Variants in IRAG1 observed in about 807,000 individuals in gnomAD.
The protein encoded by IRAG1 is inositol 1,4,5-triphosphate receptor associated 1.
Under a neutral mutation model 106.2 loss-of-function variants are expected in IRAG1, and 62 were observed. That is an observed-to-expected ratio of 0.58 (90% CI 0.48 to 0.72). The LOEUF (loss-of-function observed/expected upper bound fraction) is 0.72, where lower values mean the gene tolerates loss of function less well. Among genes scored for constraint, IRAG1 ranks in the 30% least tolerant of loss-of-function variants. The probability of loss-of-function intolerance (pLI) is 0.00; values close to 1 mark genes in which losing one functional copy is unlikely to be tolerated. For missense variants in IRAG1, 1,064 were observed against 1,140.7 expected (o/e 0.93, Z 0.97); for synonymous variants, 462 against 443.9 (o/e 1.04, Z -0.51).
At chr11:10,642,604 G>GCATTC (rs1208042187) in intron 2 of IRAG1, among the ~76,000 whole-genome samples, 2 of 152,202 alleles carry the variant, frequency 1.3e-5, no homozygotes, top group Non-Finnish European at 2.9e-5. Flanking sequence ...TCCCACCTGG[G>GCATTC]TGACCTTGGG....
chr11:10,635,436 C>T (rs1324844314), intron 2 of IRAG1, among the ~76,000 whole-genome samples: 1 of 152,218 alleles, frequency 6.6e-6, no homozygotes. Context: ...CCCACTGTCT[C>T]TATTGCCACT....
At chr11:10,668,954 C>A (rs1279736626) in intron 1 of IRAG1, among the ~76,000 whole-genome samples, 1 of 152,200 alleles carries the variant, frequency 6.6e-6, no homozygotes, top group African/African-American at 2.4e-5. Flanking sequence ...CTGCCTCCCA[C>A]CACCCAAAAC....
chr11:10,623,503 G>T (rs1179662324), intron 10 of IRAG1, among the ~76,000 whole-genome samples: 1 of 152,208 alleles, frequency 6.6e-6, no homozygotes, highest in East Asian at 1.9e-4. Context: ...ACGAGGAAAA[G>T]GAAGTGTCAA....
intron 2 of IRAG1, among the ~76,000 whole-genome samples, chr11:10,638,113 C>A (rs1199651262): frequency 6.6e-6 from 1 of 152,194 alleles, no homozygotes; most frequent in Non-Finnish European, 1.5e-5. Flanking sequence ...AATCAGCATC[C>A]TCTGATGCAT....
Position 10,631,983 on chromosome 11 carries a change from G to T in IRAG1, c.400+8C>A, listed in dbSNP as rs778518552. On this transcript the variant is annotated splice_region_variant and intron_variant, in intron 4 of 20. Transcript: ENST00000423302. ...ACTCAACATGCCTTAGATTGCCCTG[G>T]TCCTTACCCACAGATGTCAGGGAGG... The T allele has an allele frequency of 3.1e-6, 5 of 1,612,832 alleles. No individual in the cohort carries two copies. The highest frequency in any genetic ancestry group is 3.4e-6 in the Non-Finnish European group (4 of 1,179,310).
chr11:10,676,287 T>C (rs1273122475), intron 1 of IRAG1, among the ~76,000 whole-genome samples: 1 of 152,228 alleles, frequency 6.6e-6, no homozygotes, highest in Non-Finnish European at 1.5e-5. Context: ...GTCAGAATGG[T>C]TGAGAGGATG....
chr11:10,627,042 G>A (rs1564915315), intron 8 of IRAG1, among the ~76,000 whole-genome samples: 1 of 152,208 alleles, frequency 6.6e-6, no homozygotes, highest in South Asian at 2.1e-4. Flanking sequence ...AAAGAGGTTA[G>A]GGATCATTGG....
chr11:10,603,392 G>T, intron 13 of IRAG1, 141 bp from the exon 14 acceptor site: 1 of 890,526 alleles, frequency 1.1e-6, no homozygotes, highest in Non-Finnish European at 1.7e-6. Context: ...GTTTGGGGAT[G>T]AAACTCTTCC....
At chr11:10,602,981 A>G in intron 14 of IRAG1, 139 bp downstream of exon 14, 1 of 959,094 alleles carries the variant, frequency 1.0e-6, no homozygotes. Flanking sequence ...TCTGAATAAT[A>G]CTGCAATGAT....
At chr11:10,617,304 A>G (rs1249125139) in intron 10 of IRAG1, 1 of 535,828 alleles carries the variant, frequency 1.9e-6, no homozygotes, top group African/African-American at 2.1e-5. Flanking sequence ...TACTGCAAAT[A>G]AAAAATAGCT....
At chr11:10,631,885 C>G in intron 4 of IRAG1, 106 bp downstream of exon 4, 2 of 870,196 alleles carry the variant, frequency 2.3e-6, no homozygotes, top group Admixed American at 1.9e-5. Flanking sequence ...TTGGACTTAT[C>G]GGGAGGGAGC....
intron 2 of IRAG1, among the ~76,000 whole-genome samples, chr11:10,638,717 G>A (rs902972803): frequency 6.6e-6 from 1 of 152,100 alleles, no homozygotes; most frequent in African/African-American, 2.4e-5. Flanking sequence ...CACCCCTTGT[G>A]GTGGGGCTTT....
intron 10 of IRAG1, 67 bp downstream of exon 10, chr11:10,623,711 A>T: frequency 7.0e-7 from 1 of 1,421,530 alleles, no homozygotes; most frequent in Non-Finnish European, 9.9e-7. Flanking sequence ...TTACACATTC[A>T]CCTTCCTTGA....
intron 7 of IRAG1, 40 bp downstream of exon 7, chr11:10,627,933 T>G: frequency 3.8e-6 from 6 of 1,585,806 alleles, no homozygotes; most frequent in Non-Finnish European, 3.4e-6. Flanking sequence ...GAGAGACCCA[T>G]TGGCATAGAA....
intron 2 of IRAG1, among the ~76,000 whole-genome samples, chr11:10,634,402 CT>C (rs1373368727): frequency 6.6e-6 from 1 of 152,168 alleles, no homozygotes; most frequent in Non-Finnish European, 1.5e-5. Context: ...ACATAGTTAC[CT>C]TTTTGTGTGG....
rs527387350 is a variant in IRAG1 at position 10,644,169 on chromosome 11, A to G, written c.225+7856T>C. 1.7e-3 allele frequency among the ~76,000 whole-genome samples: 263 copies of G among 152,356 alleles called. 2 individuals are homozygous for G. Among genetic ancestry groups the G allele is most frequent in the Non-Finnish European group, 1.6e-3 (109 of 68,034 alleles). On this transcript the variant is annotated intron_variant, in intron 2 of 20. Transcript: ENST00000423302. ...AGGAAAGGAAGGAAAACCTGGCAGG[A>G]TGACATCAGTGGGAAACTTGAGTTT...
At chr11:10,592,958 T>C (rs1460496161) in intron 17 of IRAG1, among the ~76,000 whole-genome samples, 1 of 152,246 alleles carries the variant, frequency 6.6e-6, no homozygotes, top group Non-Finnish European at 1.5e-5. Context: ...TAATAAATTA[T>C]GGATAATTCT....
intron 18 of IRAG1, among the ~76,000 whole-genome samples, chr11:10,588,073 C>T (rs1474078558): frequency 1.2e-4 from 19 of 152,168 alleles, no homozygotes; most frequent in Admixed American, 1.2e-3. Context: ...AAATAGTTAA[C>T]AGTAATTACC....
chr11:10,616,903 C>T, intron 10 of IRAG1: 1 of 371,256 alleles, frequency 2.7e-6, no homozygotes, highest in Non-Finnish European at 3.7e-6. Context: ...CCAGGACTAG[C>T]TCATTCCAAT....
Sources: gnomAD v4.1 joint callset for allele counts (sites outside exome capture counted in the v4.1 genomes callset) on GRCh38, gnomAD v4.1.1 for gene constraint, MANE v1.5 for transcripts, NCBI Gene and HGNC (gene_info 2026-07-23, HGNC 2026-07-21) for gene names.